The following GPHN variants were observed in gnomAD, a reference collection of about 807,000 sequenced individuals.
The protein encoded by GPHN is gephyrin.
GPHN carries 17 observed loss-of-function variants against 95.5 expected under a neutral mutation model. The observed-to-expected ratio is 0.18, with a 90% CI of 0.12 to 0.27. GPHN has a LOEUF of 0.27. GPHN is among the 10% of genes least tolerant of loss of function. GPHN has a pLI of 1.00. For missense variants in GPHN, 660 were observed against 978.1 expected, an observed-to-expected ratio of 0.67 and a Z score of 4.34; for synonymous variants, 320 against 322.5, an observed-to-expected ratio of 0.99 and a Z score of 0.08.
intron 8 of GPHN, among the ~76,000 whole-genome samples, chr14:66,926,711 G>A (rs2066502331): frequency 6.6e-6 from 1 of 151,956 alleles, no homozygotes; most frequent in African/African-American, 2.4e-5. Flanking sequence ...TTTTATTTTT[G>A]CTTAGGATAG....
the GPHN span, among the ~76,000 whole-genome samples, chr14:67,621,918 G>A: frequency 2.0e-5 from 3 of 151,932 alleles, no homozygotes; most frequent in African/African-American, 4.8e-5. Flanking sequence ...CCAATATGGC[G>A]AAATCCCTTC....
the GPHN span, among the ~76,000 whole-genome samples, chr14:67,565,170 A>T: frequency 6.6e-6 from 1 of 152,178 alleles, no homozygotes; most frequent in Non-Finnish European, 1.5e-5. Context: ...TTTACAGGTC[A>T]GGAAACCACT....
At chr14:67,382,868 C>A in the GPHN span, among the ~76,000 whole-genome samples, 7 of 151,930 alleles carry the variant, frequency 4.6e-5, no homozygotes, top group East Asian at 1.4e-3. Flanking sequence ...CTGTCTTTTC[C>A]TTGTCCAACA....
the GPHN span, among the ~76,000 whole-genome samples, chr14:67,298,719 T>C: frequency 6.6e-6 from 1 of 152,178 alleles, no homozygotes; most frequent in Non-Finnish European, 1.5e-5. Flanking sequence ...TATAGTTCAG[T>C]GTATTTTGAC....
chr14:67,411,977 G>T, the GPHN span: 2 of 1,508,826 alleles, frequency 1.3e-6, no homozygotes, highest in South Asian at 1.2e-5. Flanking sequence ...CGTCGGCGGG[G>T]CCCCACCCGG....
chr14:66,523,057 C>A (rs904840441), intron 1 of GPHN, among the ~76,000 whole-genome samples: 3 of 152,066 alleles, frequency 2.0e-5, no homozygotes, highest in African/African-American at 7.2e-5. Context: ...GAACATGCCT[C>A]ATGTTTACCA....
chr14:67,215,072 A>T, the GPHN span, among the ~76,000 whole-genome samples: 6 of 152,208 alleles, frequency 3.9e-5, no homozygotes, highest in Admixed American at 1.3e-4. Context: ...CTGGGCTGAG[A>T]CAATGGGGTT....
At chr14:67,208,284 T>A in the GPHN span, 4 of 1,613,864 alleles carry the variant, frequency 2.5e-6, no homozygotes, top group Non-Finnish European at 2.5e-6. Context: ...TCAAAACATG[T>A]CACCATCTCA....
the GPHN span, among the ~76,000 whole-genome samples, chr14:67,722,918 T>G: frequency 0.064 from 9,754 of 152,258 alleles, 990 homozygotes; most frequent in African/African-American, 0.21. Context: ...GGCTGAGTTC[T>G]GGCCCCACCT....
At chr14:67,435,685 C>T in the GPHN span, among the ~76,000 whole-genome samples, 5 of 152,240 alleles carry the variant, frequency 3.3e-5, no homozygotes, top group Non-Finnish European at 5.9e-5. Flanking sequence ...CTCAAGTCAT[C>T]CTTTTCTGGA....
At chr14:67,269,925 G>GC in the GPHN span, 1 of 152,266 alleles carries the variant, frequency 6.6e-6, no homozygotes, top group African/African-American at 2.4e-5. Flanking sequence ...TGGTCAAAGG[G>GC]CATTACTTGC....
At chr14:66,886,586 C>T (rs941366793) in intron 5 of GPHN, among the ~76,000 whole-genome samples, 6 of 150,670 alleles carry the variant, frequency 4.0e-5, no homozygotes, top group Admixed American at 6.6e-5. Flanking sequence ...CAAGTACAAT[C>T]GCTGAAAAAA....
At chr14:67,361,404 G>T in the GPHN span, among the ~76,000 whole-genome samples, 2 of 152,208 alleles carry the variant, frequency 1.3e-5, no homozygotes, top group Non-Finnish European at 2.9e-5. Flanking sequence ...AGTAATGTTT[G>T]TAGAGATTCG....
At chr14:67,719,608 G>A in the GPHN span, among the ~76,000 whole-genome samples, 1 of 151,982 alleles carries the variant, frequency 6.6e-6, no homozygotes, top group Non-Finnish European at 1.5e-5. Flanking sequence ...CCAAGTAGCT[G>A]GGACCACAGG....
In GPHN at chr14:67,111,831, T is replaced by C. The variant is rs770301681; in HGVS notation, c.1414-30T>C. On this transcript the variant is annotated intron_variant, in intron 14 of 22. Coordinates refer to ENST00000478722, the MANE Select transcript of GPHN (RefSeq NM_020806.5). Reference sequence around the variant, plus strand: ...AAATTCTACTGCTCAGAAATTCTGTTTGAAATTACATGACCGGCTGTTATT... The same window carrying C: ...AAATTCTACTGCTCAGAAATTCTGTCTGAAATTACATGACCGGCTGTTATT... The C allele has an allele frequency of 7.6e-6, 12 of 1,579,934 alleles. No individual in the cohort carries two copies. The Admixed American group carries it at 1.2e-4, about 15-fold the overall frequency.
the GPHN span, among the ~76,000 whole-genome samples, chr14:67,726,701 G>A: frequency 2.6e-5 from 4 of 152,310 alleles, no homozygotes; most frequent in South Asian, 2.1e-4. Context: ...CTAGTTATGC[G>A]ATCATGGCCA....
At chr14:67,625,697 A>G in the GPHN span, among the ~76,000 whole-genome samples, 29 of 149,138 alleles carry the variant, frequency 1.9e-4, no homozygotes, top group Middle Eastern at 3.4e-3. Flanking sequence ...AAAAAAAAAA[A>G]AAAGAAACTG....
chr14:66,687,444 G>A (rs2067450688), intron 2 of GPHN, among the ~76,000 whole-genome samples: 1 of 145,866 alleles, frequency 6.9e-6, no homozygotes. Context: ...TTGGTAGCAT[G>A]TTCATTTTTA....
chr14:67,663,169 A>C, the GPHN span: 1 of 1,533,070 alleles, frequency 6.5e-7, no homozygotes, highest in East Asian at 2.4e-5. Context: ...TATCTTTAAT[A>C]CCTAAAAATT....
Sources: gnomAD v4.1 joint callset for allele counts (sites outside exome capture counted in the v4.1 genomes callset) on GRCh38, gnomAD v4.1.1 for gene constraint, MANE v1.5 for transcripts, NCBI Gene and HGNC (gene_info 2026-07-23, HGNC 2026-07-21) for gene names.